Variants in MFHAS1 observed in about 807,000 individuals in gnomAD.
The protein encoded by MFHAS1 is multifunctional ROCO family signaling regulator 1, also known as malignant fibrous histiocytoma-amplified sequence 1.
MFHAS1 carries 50 observed loss-of-function variants against 70.4 expected under a neutral mutation model. The ratio of observed to expected loss-of-function variants is 0.71; its 90% CI spans 0.57 to 0.90. The LOEUF (loss-of-function observed/expected upper bound fraction) is 0.90, where lower values mean the gene tolerates loss of function less well. Among genes scored for constraint, MFHAS1 ranks in the 40% least tolerant of loss-of-function variants. The pLI, the probability that MFHAS1 is intolerant of heterozygous loss-of-function variation, is 0.00. For synonymous variants in MFHAS1, 952 were observed against 620.0 expected, an observed-to-expected ratio of 1.54 and a Z score of -7.96; for missense variants, 1,795 against 1,347.6, an observed-to-expected ratio of 1.33 and a Z score of -5.20.
intron 1 of MFHAS1, among the ~76,000 whole-genome samples, chr8:8,813,044 G>T (rs1313787898): frequency 6.6e-6 from 1 of 152,192 alleles, no homozygotes; most frequent in Admixed American, 6.5e-5. Context: ...TGGGATTACA[G>T]GCATGAACCA....
chr8:8,793,979 G>C (rs1004183511), intron 2 of MFHAS1, among the ~76,000 whole-genome samples: 1 of 152,180 alleles, frequency 6.6e-6, no homozygotes, highest in African/African-American at 2.4e-5. Flanking sequence ...CTTGAGGTCA[G>C]GAGTTCGAGA....
chr8:8,792,170 G>A (rs974619500), intron 2 of MFHAS1, among the ~76,000 whole-genome samples: 1 of 151,516 alleles, frequency 6.6e-6, no homozygotes, highest in Admixed American at 6.6e-5. Flanking sequence ...CCAGGGGGCA[G>A]AGGTTGCAGT....
chr8:8,838,932 A>G lies in MFHAS1; in HGVS notation c.2999-41441T>C, dbSNP rs569392540. ...ATCTAACACAATGACAACTAAGCAA[A>G]GGCATGTACCATTTTATAATATATG... On this transcript the variant is annotated intron_variant, in intron 1 of 2. Transcript: ENST00000276282. Among the ~76,000 whole-genome samples the G allele has an allele frequency of 7.9e-5, 12 of 152,330 alleles. No homozygotes were observed. The South Asian group carries it at 1.0e-3, about 13-fold the overall frequency.
chr8:8,878,467 T>C (rs1050791989), intron 1 of MFHAS1, among the ~76,000 whole-genome samples: 1 of 152,136 alleles, frequency 6.6e-6, no homozygotes, highest in African/African-American at 2.4e-5. Context: ...AACGTCAACA[T>C]TGTCACCTCT....
At chr8:8,813,793 G>A (rs1343129098) in intron 1 of MFHAS1, among the ~76,000 whole-genome samples, 1 of 152,052 alleles carries the variant, frequency 6.6e-6, no homozygotes, top group Non-Finnish European at 1.5e-5. Context: ...ATTGGATGTG[G>A]CCTAAATGTA....
At chr8:8,888,310 C>G (rs1042436603) in intron 1 of MFHAS1, among the ~76,000 whole-genome samples, 1 of 152,186 alleles carries the variant, frequency 6.6e-6, no homozygotes, top group Non-Finnish European at 1.5e-5. Flanking sequence ...CTTCCTGATA[C>G]TATTACCAGC....
chr8:8,797,839 C>A (rs752579973), intron 1 of MFHAS1, among the ~76,000 whole-genome samples: 32 of 152,126 alleles, frequency 2.1e-4, no homozygotes, highest in African/African-American at 7.5e-4. Context: ...GTCCCCAGAG[C>A]CCACCGAAGC....
At chr8:8,875,677 G>C (rs1204687172) in intron 1 of MFHAS1, among the ~76,000 whole-genome samples, 1 of 152,076 alleles carries the variant, frequency 6.6e-6, no homozygotes, top group African/African-American at 2.4e-5. Flanking sequence ...CGTAACCTCT[G>C]CCTCCTGGGT....
At chr8:8,808,379 C>A (rs1240093821) in intron 1 of MFHAS1, among the ~76,000 whole-genome samples, 1 of 152,232 alleles carries the variant, frequency 6.6e-6, no homozygotes, top group Non-Finnish European at 1.5e-5. Context: ...ATCACTTAGG[C>A]ACTTTCTCGG....
In MFHAS1 at chr8:8,886,544, G is replaced by A. The variant is rs147506596; in HGVS notation, c.2998+3517C>T. ...ACTTCCCGTGGTCAACTACAGTAGG[G>A]CAGCTCAGGCCAGAAAATCCAACAG... On this transcript the variant is annotated intron_variant, in intron 1 of 2. Coordinates refer to ENST00000276282, the MANE Select transcript of MFHAS1 (RefSeq NM_004225.3). Among the ~76,000 whole-genome samples the A allele has an allele frequency of 3.9e-5, 6 of 152,228 alleles. No individual in the cohort carries two copies. The East Asian group carries it at 7.7e-4, about 20-fold the overall frequency.
At chr8:8,879,623 T>C (rs185357445) in intron 1 of MFHAS1, among the ~76,000 whole-genome samples, 1 of 152,268 alleles carries the variant, frequency 6.6e-6, no homozygotes, top group Admixed American at 6.5e-5. Context: ...ATTTTTTTTC[T>C]GGAAAAATCA....
chr8:8,882,683 T>C (rs28626220), intron 1 of MFHAS1, among the ~76,000 whole-genome samples: 30,118 of 152,146 alleles, frequency 0.2, 3,448 homozygotes, highest in African/African-American at 0.31. Context: ...CTCTGACCCC[T>C]TCTACCTGAT....
At chr8:8,829,855 G>A (rs569448497) in intron 1 of MFHAS1, among the ~76,000 whole-genome samples, 93 of 152,302 alleles carry the variant, frequency 6.1e-4, no homozygotes, top group African/African-American at 2.1e-3. Flanking sequence ...TCCACAAATG[G>A]AACAGATTGC....
rs79932096 is a variant in MFHAS1, at chr8:8,873,196, A to C, written c.2998+16865T>G. Among the ~76,000 whole-genome samples, 22 of 152,354 alleles carry C rather than the reference A, an allele frequency of 1.4e-4. No homozygotes were observed. The East Asian group carries it at 4.2e-3, about 29-fold the overall frequency. On this transcript the variant is annotated intron_variant, in intron 1 of 2. Coordinates refer to ENST00000276282, the MANE Select transcript of MFHAS1 (RefSeq NM_004225.3). ...CATAAGCAATAGCCCTCCGGAATCA[A>C]AGTCACCTCAGCTATGCCATGAGTC...
intron 1 of MFHAS1, among the ~76,000 whole-genome samples, chr8:8,883,375 T>C (rs940441558): frequency 9.9e-5 from 15 of 152,096 alleles, no homozygotes; most frequent in African/African-American, 3.6e-4. Flanking sequence ...GGCATTCTGA[T>C]GCCCTAATGG....
At chr8:8,844,836 C>T (rs930536351) in intron 1 of MFHAS1, among the ~76,000 whole-genome samples, 1 of 152,188 alleles carries the variant, frequency 6.6e-6, no homozygotes, top group Non-Finnish European at 1.5e-5. Context: ...GGCACAGAGG[C>T]CATAACCACT....
chr8:8,873,475 C>CTTT (rs11454563), intron 1 of MFHAS1, among the ~76,000 whole-genome samples: 6 of 142,492 alleles, frequency 4.2e-5, no homozygotes, highest in Admixed American at 7.0e-5. Context: ...TAATTGCTTA[C>CTTT]TTTTTTTTTT....
chr8:8,850,230 C>A (rs1342837773), intron 1 of MFHAS1, among the ~76,000 whole-genome samples: 2 of 152,164 alleles, frequency 1.3e-5, no homozygotes, highest in African/African-American at 4.8e-5. Context: ...CTCAGCTACA[C>A]CCCTTGGTAA....
At chr8:8,876,143 C>T (rs1184745726) in intron 1 of MFHAS1, among the ~76,000 whole-genome samples, 2 of 152,150 alleles carry the variant, frequency 1.3e-5, no homozygotes, top group East Asian at 3.9e-4. Flanking sequence ...TCAGAACCAA[C>T]ACAAACTATT....
Sources: allele counts gnomAD v4.1 joint callset (sites outside exome capture counted in the v4.1 genomes callset), GRCh38; gene constraint gnomAD v4.1.1; transcripts MANE v1.5; gene names NCBI Gene and HGNC (gene_info 2026-07-23, HGNC 2026-07-21).